Variants in ASPM observed in about 807,000 individuals in gnomAD.
The protein encoded by ASPM is abnormal spindle-like microcephaly-associated protein.
ASPM carries 256 observed loss-of-function variants against 366.4 expected under a neutral mutation model. The observed-to-expected ratio is 0.70, with a 90% CI of 0.63 to 0.77. The LOEUF (loss-of-function observed/expected upper bound fraction) is 0.77, where lower values mean the gene tolerates loss of function less well. Ranked by LOEUF, ASPM falls within the 30% of genes least tolerant of loss-of-function variation. ASPM has a pLI of 0.00. For synonymous variants in ASPM, 1,414 were observed against 1,342.9 expected (o/e 1.05, Z -1.16); for missense variants, 4,146 against 4,090.4 (o/e 1.01, Z -0.37).
At chr1:197,136,201 A>C (rs1175371351) in intron 4 of ASPM, among the ~76,000 whole-genome samples, 1 of 152,196 alleles carries the variant, frequency 6.6e-6, no homozygotes, top group Non-Finnish European at 1.5e-5. Context: ...TAAAGCTGAA[A>C]AAATCCATTT....
chr1:197,100,590 C>T lies in ASPM; in HGVS notation c.8661G>A (p.Val2887=), dbSNP rs1657121541. Residue 2887 remains valine (V), a synonymous_variant, in exon 18 of 28, where the codon GTG becomes GTA. Transcript: ENST00000367409. ...ATGCTCTGTAGTGATTTTGTAAAAC[C>T]ACTGCTGCTTTTCTATATAGTAAAA... is the stretch of plus-strand genomic sequence containing the variant. ...KQFLLYRKAA[V]VLQNHYRAFL... is the part of the protein sequence containing the mutation. The T allele has an allele frequency of 6.2e-7, 1 of 1,611,670 alleles. No individual in the cohort carries two copies. The highest frequency in any genetic ancestry group is 1.3e-5 in the African/African-American group (1 of 74,710).
At chr1:197,139,727 T>G in intron 4 of ASPM, 40 bp downstream of exon 4, 1 of 1,389,764 alleles carries the variant, frequency 7.2e-7, no homozygotes, top group Non-Finnish European at 1.0e-6. Context: ...CTTCATTCGA[T>G]GTCATGTTTT....
chr1:197,094,780 C>T (rs1656915475), intron 19 of ASPM, among the ~76,000 whole-genome samples: 1 of 151,656 alleles, frequency 6.6e-6, no homozygotes, highest in Admixed American at 6.6e-5. Context: ...AGGTTTTCTA[C>T]TCTGTTCTTG....
intron 1 of ASPM, among the ~76,000 whole-genome samples, chr1:197,144,761 C>T (rs1658717140): frequency 6.6e-6 from 1 of 152,306 alleles, no homozygotes; most frequent in Middle Eastern, 3.4e-3. Context: ...ATCTACACCC[C>T]ACACCCTGGC....
At chr1:197,086,522 AT>A (rs1656592976) in intron 27 of ASPM, among the ~76,000 whole-genome samples, 1 of 152,192 alleles carries the variant, frequency 6.6e-6, no homozygotes, top group Non-Finnish European at 1.5e-5. Flanking sequence ...AATAAATAAA[AT>A]AAAATGACAA....
At chr1:197,116,141 T>C (rs1380192054) in intron 17 of ASPM, among the ~76,000 whole-genome samples, 1 of 152,200 alleles carries the variant, frequency 6.6e-6, no homozygotes, top group Non-Finnish European at 1.5e-5. Context: ...ACTTGCTGCT[T>C]TATCTTGCAC....
chr1:197,129,353 C>T (rs1313313476), intron 8 of ASPM, 36 bp from the exon 9 acceptor site: 1 of 1,602,862 alleles, frequency 6.2e-7, no homozygotes, highest in Non-Finnish European at 8.5e-7. Context: ...GCAAGTTAAT[C>T]TATGAAAGGT....
At chr1:197,129,383 G>T in intron 8 of ASPM, 66 bp from the exon 9 acceptor site, 1 of 1,505,368 alleles carries the variant, frequency 6.6e-7, no homozygotes, top group Non-Finnish European at 9.1e-7. Context: ...CTTAAAATAT[G>T]ATAATAATAA....
Position 197,122,009 on chromosome 1 carries a change from C to A in ASPM, c.3776G>T (p.Arg1259Met). The change falls in exon 16 of 28, where the codon AGG becomes ATG. Residue 1259 changes from arginine to methionine, a missense_variant. By Grantham distance (91) the Arg-to-Met change is moderately conservative (BLOSUM62 -1). Around this residue, in one of 3 missense-constraint regions of ASPM, gnomAD observed 3,624 missense variants for 3,591.7 expected, o/e 1.01. Transcript: ENST00000367409. ...TATTTCTTTACGAAGATCCAAAAGCCTTGCACAAAGAAATGACAAATAGGT... is the reference window on the plus strand; with the variant it reads ...TATTTCTTTACGAAGATCCAAAAGCATTGCACAAAGAAATGACAAATAGGT... ...VITYLSFLCA[R>M]LLDLRKEIRA... 1.2e-6 allele frequency: 2 copies of A among 1,612,278 alleles called. No individual in the cohort carries two copies. The highest frequency in any genetic ancestry group is 1.7e-6 in the Non-Finnish European group (2 of 1,178,790).
intron 1 of ASPM, 149 bp from the exon 2 acceptor site, chr1:197,144,249 C>G: frequency 3.5e-6 from 2 of 578,652 alleles, no homozygotes; most frequent in South Asian, 5.3e-5. Flanking sequence ...TATATTTCTC[C>G]TACCCTATCT....
rs188832589 is a variant in ASPM at position 197,136,669 on chromosome 1, T to C, written c.2027-1427A>G. On this transcript the variant is annotated intron_variant, in intron 4 of 27. Transcript: ENST00000367409. ...AGGAAATGAGAATAGAAACAAAACT[T>C]GTCACTACAAAAAAAATCAACTAAA... Among the ~76,000 whole-genome samples the C allele has an allele frequency of 5.9e-3, 899 of 151,990 alleles. 12 individuals are homozygous for C. Among genetic ancestry groups the C allele is most frequent in the African/African-American group, 0.021 (864 of 41,508 alleles).
At chr1:197,096,251 A>G (rs1656972623) in intron 18 of ASPM, 87 bp from the exon 19 acceptor site, 12 of 1,220,898 alleles carry the variant, frequency 9.8e-6, no homozygotes, top group Non-Finnish European at 1.3e-5. Context: ...GACAGTTAAA[A>G]TAAGGTTAGT....
intron 27 of ASPM, among the ~76,000 whole-genome samples, chr1:197,085,085 T>A (rs1182637746): frequency 6.6e-6 from 1 of 152,184 alleles, no homozygotes; most frequent in Non-Finnish European, 1.5e-5. Flanking sequence ...ATCAGTATTA[T>A]CAAAACCTTT....
intron 8 of ASPM, among the ~76,000 whole-genome samples, chr1:197,129,690 AC>A (rs1658204285): frequency 1.3e-5 from 2 of 152,270 alleles, no homozygotes; most frequent in South Asian, 2.1e-4. Flanking sequence ...CATAGGACTT[AC>A]AACCTACTGG....
intron 19 of ASPM, 41 bp downstream of exon 19, chr1:197,095,957 A>C: frequency 1.3e-6 from 2 of 1,527,188 alleles, no homozygotes; most frequent in Non-Finnish European, 1.8e-6. Context: ...GCTATCACAC[A>C]CAAATACTTT....
intron 21 of ASPM, 122 bp downstream of exon 21, chr1:197,092,930 A>C (rs916361125): frequency 4.5e-6 from 4 of 882,698 alleles, no homozygotes; most frequent in African/African-American, 3.4e-5. Context: ...AGCTGAATTA[A>C]TTCAAGTTAA....
chr1:197,102,679 G>C lies in ASPM; in HGVS notation c.6572C>G (p.Thr2191Ser). 6.2e-7 allele frequency: 1 copy of C among 1,612,680 alleles called. No individual in the cohort carries two copies. Among genetic ancestry groups the C allele is most frequent in the Non-Finnish European group, 8.5e-7 (1 of 1,179,276 alleles). Residue 2191 changes from threonine (T) to serine (S), a missense_variant, in exon 18 of 28, where the codon ACT becomes AGT. Transcript: ENST00000367409. ...RVRRTLRKMQ[T>S]AATLIQSNYR... is the part of the protein sequence containing the mutation. The stretch of plus-strand genomic sequence containing the variant: ...GTTTGACTGAATGAGTGTTGCTGCA[G>C]TCTGCATCTTTCTAAGAGTCCGTCT...
Position 197,146,456 on chromosome 1 carries a change from C to A in ASPM, c.-19G>T. On this transcript the variant is annotated 5_prime_UTR_variant, in exon 1 of 28. Transcript: ENST00000367409. ...TCGCCATGGCAGATTCGAGACCCCT[C>A]CTGGATCTCCTTGCCCCGCTCCCAC... 1 of 1,602,792 alleles carries A rather than the reference C, an allele frequency of 6.2e-7. No individual in the cohort carries two copies.
At chr1:197,125,471 G>A (rs1658062860) in intron 10 of ASPM, among the ~76,000 whole-genome samples, 1 of 152,032 alleles carries the variant, frequency 6.6e-6, no homozygotes, top group Non-Finnish European at 1.5e-5. Flanking sequence ...ACAGAAAAGA[G>A]AAAGAAAGGA....
Sources: allele counts gnomAD v4.1 joint callset (sites outside exome capture counted in the v4.1 genomes callset), GRCh38; gene constraint gnomAD v4.1.1; regional missense constraint gnomAD v4.1.1; transcripts MANE v1.5; gene names NCBI Gene and HGNC (gene_info 2026-07-23, HGNC 2026-07-21).